The following BMAL2 variants were observed in gnomAD, a reference collection of about 807,000 sequenced individuals.
The protein encoded by BMAL2 is basic helix-loop-helix ARNT like 2, also known as basic helix-loop-helix ARNT-like protein 2.
chr12:27,407,541 C>T, the BMAL2 span, among the ~76,000 whole-genome samples: 2 of 152,028 alleles, frequency 1.3e-5, no homozygotes, highest in Admixed American at 6.6e-5. Context: ...TTCTTTGAAA[C>T]CAACGAGAAC....
chr12:27,406,919 CA>C, the BMAL2 span, among the ~76,000 whole-genome samples: 1 of 151,556 alleles, frequency 6.6e-6, no homozygotes, highest in African/African-American at 2.4e-5. Flanking sequence ...AAATGGAAAA[CA>C]AAAAAAGGCA....
At chr12:27,414,975 T>C in the BMAL2 span, among the ~76,000 whole-genome samples, 1 of 151,828 alleles carries the variant, frequency 6.6e-6, no homozygotes, top group Non-Finnish European at 1.5e-5. Flanking sequence ...AGATACAGAA[T>C]GAAACATACT....
At chr12:27,367,168 A>G in the BMAL2 span, among the ~76,000 whole-genome samples, 1 of 152,226 alleles carries the variant, frequency 6.6e-6, no homozygotes, top group Admixed American at 6.5e-5. Flanking sequence ...TGAGGCCACT[A>G]TTAAGCAAAA....
chr12:27,420,556 T>C, the BMAL2 span: 3 of 1,535,316 alleles, frequency 2.0e-6, no homozygotes, highest in African/African-American at 2.8e-5. Flanking sequence ...ACTCCAAAAA[T>C]GAGAAACATT....
the BMAL2 span, among the ~76,000 whole-genome samples, chr12:27,405,277 T>A: frequency 6.6e-6 from 1 of 152,144 alleles, no homozygotes; most frequent in Admixed American, 6.5e-5. Flanking sequence ...CAGCTGGAGA[T>A]CTGAGAATGG....
chr12:27,390,106 A>G, the BMAL2 span: 5 of 1,613,614 alleles, frequency 3.1e-6, no homozygotes, highest in Non-Finnish European at 4.2e-6. Context: ...CTGGTTTGCA[A>G]GTTCACAGTA....
At chr12:27,359,162 A>G in the BMAL2 span, among the ~76,000 whole-genome samples, 1 of 152,328 alleles carries the variant, frequency 6.6e-6, no homozygotes, top group African/African-American at 2.4e-5. Context: ...CTTCTGTGAA[A>G]GAAAAATGAT....
chr12:27,351,347 T>G, the BMAL2 span, among the ~76,000 whole-genome samples: 1 of 152,170 alleles, frequency 6.6e-6, no homozygotes, highest in East Asian at 1.9e-4. Flanking sequence ...AAAGGTAAAT[T>G]AAGAAAAATA....
At chr12:27,384,419 C>T in the BMAL2 span, among the ~76,000 whole-genome samples, 1 of 152,092 alleles carries the variant, frequency 6.6e-6, no homozygotes, top group South Asian at 2.1e-4. Flanking sequence ...ATAGAGGTCT[C>T]TATATTGCCA....
chr12:27,380,758 C>T, the BMAL2 span, among the ~76,000 whole-genome samples: 16 of 152,138 alleles, frequency 1.1e-4, no homozygotes, highest in East Asian at 7.7e-4. Flanking sequence ...GCTTGTAATC[C>T]CCGTACTTTG....
At chr12:27,392,307 G>A in the BMAL2 span, among the ~76,000 whole-genome samples, 6 of 152,232 alleles carry the variant, frequency 3.9e-5, no homozygotes, top group South Asian at 8.3e-4. Context: ...TAGTGACACC[G>A]ATGTTAGGAG....
At chr12:27,420,019 G>GCACACACACA in the BMAL2 span, among the ~76,000 whole-genome samples, 11,039 of 147,442 alleles carry the variant, frequency 0.075, 528 homozygotes, top group African/African-American at 0.13. Context: ...GTTTGCGCGT[G>GCACACACACA]CACACACACA....
At chr12:27,390,143 T>C in the BMAL2 span, 1 of 1,614,114 alleles carries the variant, frequency 6.2e-7, no homozygotes, top group Non-Finnish European at 8.5e-7. Flanking sequence ...GACACGTGTG[T>C]ATTCTGGCTC....
the BMAL2 span, among the ~76,000 whole-genome samples, chr12:27,418,748 G>T: frequency 1.3e-5 from 2 of 152,152 alleles, no homozygotes; most frequent in Non-Finnish European, 2.9e-5. Flanking sequence ...GGGAGGCCAA[G>T]GCAGGCGAAT....
chr12:27,395,096 G>A, the BMAL2 span, among the ~76,000 whole-genome samples: 47 of 152,208 alleles, frequency 3.1e-4, no homozygotes, highest in Non-Finnish European at 5.3e-4. Flanking sequence ...TTTCTATACC[G>A]TAGTTCTCAT....
At chr12:27,333,182 A>G in the BMAL2 span, 1 of 1,185,644 alleles carries the variant, frequency 8.4e-7, no homozygotes, top group Non-Finnish European at 1.0e-6. Flanking sequence ...CCGCGACGCC[A>G]GGTCTGCCCC....
At chr12:27,400,863 TTTTC>T in the BMAL2 span, 1 of 1,182,498 alleles carries the variant, frequency 8.5e-7, no homozygotes, top group Non-Finnish European at 1.2e-6. Context: ...TAGTTTTTCT[TTTTC>T]TTTTTTCTGT....
the BMAL2 span, chr12:27,385,518 A>G: frequency 6.2e-7 from 1 of 1,607,216 alleles, no homozygotes. Flanking sequence ...ATTATAGACC[A>G]TCATTTCTTC....
chr12:27,384,180 A>G, the BMAL2 span, among the ~76,000 whole-genome samples: 1 of 152,120 alleles, frequency 6.6e-6, no homozygotes, highest in Non-Finnish European at 1.5e-5. Flanking sequence ...TCTGTGTCAT[A>G]CGCCCCCTTG....
Sources: gnomAD v4.1 joint callset for allele counts (sites outside exome capture counted in the v4.1 genomes callset) on GRCh38, gnomAD v4.1.1 for gene constraint, MANE v1.5 for transcripts, NCBI Gene and HGNC (gene_info 2026-07-23, HGNC 2026-07-21) for gene names.